Variants in POU2F2 observed in about 807,000 individuals in gnomAD.
The protein encoded by POU2F2 is POU class 2 homeobox 2.
POU2F2 carries 14 observed loss-of-function variants against 63.5 expected under a neutral mutation model. The observed-to-expected ratio is 0.22, with a 90% CI of 0.15 to 0.34. The LOEUF (loss-of-function observed/expected upper bound fraction) is 0.34. Among genes scored for constraint, POU2F2 ranks in the 10% least tolerant of loss-of-function variants. POU2F2 has a pLI of 1.00. For missense variants in POU2F2, 607 were observed against 815.2 expected, an observed-to-expected ratio of 0.74 and a Z score of 3.11; for synonymous variants, 306 against 348.6, an observed-to-expected ratio of 0.88 and a Z score of 1.36.
At chr19:42,104,662 A>T (rs1413738063) in intron 5 of POU2F2, among the ~76,000 whole-genome samples, 3 of 152,168 alleles carry the variant, frequency 2.0e-5, no homozygotes, top group Non-Finnish European at 2.9e-5. Context: ...AAAAAAGAGT[A>T]TATCTGGATA....
chr19:42,193,946 T>C (rs1483128011), intron 1 of POU2F2, among the ~76,000 whole-genome samples: 2 of 152,148 alleles, frequency 1.3e-5, no homozygotes, highest in Non-Finnish European at 2.9e-5. Context: ...ATGAGTCAAC[T>C]ACAGATAAGC....
chr19:42,126,211 G>A (rs569242700), intron 1 of POU2F2, among the ~76,000 whole-genome samples: 147 of 152,230 alleles, frequency 9.7e-4, no homozygotes, highest in Admixed American at 1.5e-3. Context: ...TTGGGAGGCC[G>A]AGGTGGGCAG....
chr19:42,140,010 G>C (rs551072347), intron 2 of POU2F2, among the ~76,000 whole-genome samples: 2 of 152,342 alleles, frequency 1.3e-5, no homozygotes, highest in South Asian at 4.1e-4. Context: ...CCCAAAGCTT[G>C]TGCTTCAGCT....
intron 2 of POU2F2, among the ~76,000 whole-genome samples, chr19:42,151,210 C>A (rs999974587): frequency 2.6e-5 from 4 of 152,122 alleles, no homozygotes; most frequent in Admixed American, 2.0e-4. Flanking sequence ...TCTTTCCCCT[C>A]CCCCTTCCTA....
chr19:42,142,810 C>G (rs1443608529), intron 2 of POU2F2, among the ~76,000 whole-genome samples: 5 of 151,334 alleles, frequency 3.3e-5, no homozygotes, highest in Non-Finnish European at 1.5e-5. Flanking sequence ...GCGATCCTCC[C>G]TCCTCAGTCT....
chr19:42,186,233 G>C (rs1001492931), intron 1 of POU2F2, among the ~76,000 whole-genome samples: 1 of 152,100 alleles, frequency 6.6e-6, no homozygotes, highest in Non-Finnish European at 1.5e-5. Flanking sequence ...GCTGAAGCAG[G>C]AGAATGGTGT....
At chr19:42,134,960 A>T (rs1175958780), upstream of POU2F2, among the ~76,000 whole-genome samples, 2 of 151,820 alleles carry the variant, frequency 1.3e-5, no homozygotes, top group Non-Finnish European at 2.9e-5. Context: ...CAGCCAGCCC[A>T]CCGGGGACAG....
chr19:42,167,662 C>T (rs749274040), intron 1 of POU2F2, among the ~76,000 whole-genome samples: 6 of 152,150 alleles, frequency 3.9e-5, no homozygotes, highest in Admixed American at 6.5e-5. Context: ...AATAGACAGA[C>T]AGGCGCTAGC....
chr19:42,103,627 C>CTTT (rs1001669920), intron 5 of POU2F2, among the ~76,000 whole-genome samples: 78 of 100,550 alleles, frequency 7.8e-4, no homozygotes, highest in East Asian at 1.2e-3. Flanking sequence ...GGGCTCGTTT[C>CTTT]TTTTTTTTTT....
chr19:42,168,821 T>C (rs994266232), intron 1 of POU2F2, among the ~76,000 whole-genome samples: 3 of 152,222 alleles, frequency 2.0e-5, no homozygotes, highest in Non-Finnish European at 2.9e-5. Context: ...GTGCCTGATG[T>C]CAAGCTTAAA....
intron 5 of POU2F2, among the ~76,000 whole-genome samples, chr19:42,100,085 CTTTT>C (rs948283094): frequency 5.2e-5 from 4 of 77,068 alleles, no homozygotes; most frequent in South Asian, 5.9e-4. Flanking sequence ...CCCTTTCTTT[CTTTT>C]TTTTTTTTTT....
intron 1 of POU2F2, among the ~76,000 whole-genome samples, chr19:42,187,238 C>T (rs1239885570): frequency 2.0e-5 from 3 of 151,948 alleles, no homozygotes; most frequent in Non-Finnish European, 2.9e-5. Context: ...CCGAGGCGGG[C>T]GGATCACCTG....
chr19:42,121,903 T>TG (rs1331330290), intron 4 of POU2F2, among the ~76,000 whole-genome samples: 2 of 152,130 alleles, frequency 1.3e-5, no homozygotes, highest in South Asian at 4.1e-4. Flanking sequence ...CCTGGGGCTC[T>TG]GGGGGGGATT....
upstream of POU2F2, among the ~76,000 whole-genome samples, chr19:42,176,780 G>A (rs2034890599): frequency 6.6e-6 from 1 of 151,340 alleles, no homozygotes; most frequent in South Asian, 2.1e-4. Flanking sequence ...GCCGGGCGCC[G>A]AGAGGGAGGC....
chr19:42,184,212 G>A (rs867223684), intron 1 of POU2F2, among the ~76,000 whole-genome samples: 23 of 152,196 alleles, frequency 1.5e-4, no homozygotes, highest in Middle Eastern at 6.8e-3. Context: ...GCCTGGTCTT[G>A]AACTCCTCGG....
chr19:42,132,306 G>A (rs1257025483), intron 1 of POU2F2, 78 bp downstream of exon 1: 25 of 1,468,326 alleles, frequency 1.7e-5, no homozygotes, highest in Non-Finnish European at 2.2e-5. Context: ...TGAGGAGGAG[G>A]GGCAGGCAGG....
At chr19:42,178,942 C>T (rs1010896906), upstream of POU2F2, among the ~76,000 whole-genome samples, 1 of 151,732 alleles carries the variant, frequency 6.6e-6, no homozygotes, top group Non-Finnish European at 1.5e-5. Context: ...AACAGAGAAA[C>T]CTCAGGAGAC....
At chr19:42,197,139 A>C (rs1182163533), upstream of POU2F2, among the ~76,000 whole-genome samples, 3 of 152,172 alleles carry the variant, frequency 2.0e-5, no homozygotes, top group Non-Finnish European at 4.4e-5. Flanking sequence ...TTAGGTCATG[A>C]AAATGGAAGG....
chr19:42,096,195 G>C lies in POU2F2; in HGVS notation c.616C>G (p.Pro206Ala), dbSNP rs754312658. 6.2e-7 allele frequency: 1 copy of C among 1,612,870 alleles called. No homozygotes were observed. The highest frequency in any genetic ancestry group is 1.1e-5 in the South Asian group (1 of 90,962). Residue 206 changes from proline to alanine, a missense_variant, in exon 8 of 15, where the codon CCC (proline) becomes GCC (alanine). Pro to Ala is a conservative substitution (Grantham distance 27). Coordinates refer to ENST00000692977, the MANE Select transcript of POU2F2 (RefSeq NM_001394376.1). The surrounding 1 kb of genome is among the most constrained non-coding windows in gnomAD (Gnocchi z 4.1). ...LPDPHLSHPQ[P>A]PKCLEPPSHP... ...GATGGTGGCTCCAAGCATTTGGGGG[G>C]CTGCGGGTGCGAGAGGTGCGGGTCG... is the stretch of plus-strand genomic sequence containing the variant.
Sources: gnomAD v4.1 joint callset for allele counts (sites outside exome capture counted in the v4.1 genomes callset) on GRCh38, gnomAD v4.1.1 for gene constraint, Gnocchi (gnomAD v3.1) non-coding constraint, MANE v1.5 for transcripts, NCBI Gene and HGNC (gene_info 2026-07-23, HGNC 2026-07-21) for gene names.